The following SNTG2 variants were observed in gnomAD, a reference collection of about 807,000 sequenced individuals.
SNTG2 encodes the protein syntrophin gamma 2, also known as gamma-2-syntrophin.
A neutral mutation model predicts 70.9 loss-of-function variants in SNTG2; 74 were observed. The observed-to-expected ratio is 1.04, with a 90% CI of 0.86 to 1.27. SNTG2 has a LOEUF of 1.27. SNTG2 is among the 50% of genes most tolerant of loss of function. The pLI is 0.00. For synonymous variants in SNTG2, 278 were observed against 273.8 expected (o/e 1.02, Z -0.15); for missense variants, 717 against 690.7 (o/e 1.04, Z -0.43).
chr2:1,173,686 G>A (rs1046376414), intron 8 of SNTG2, among the ~76,000 whole-genome samples: 8 of 152,206 alleles, frequency 5.3e-5, no homozygotes, highest in Admixed American at 3.9e-4. Flanking sequence ...TCCCTCAGAA[G>A]CCTGGGCTCT....
At chr2:991,112 T>G (rs1661476738) in intron 1 of SNTG2, among the ~76,000 whole-genome samples, 1 of 152,164 alleles carries the variant, frequency 6.6e-6, no homozygotes, top group Non-Finnish European at 1.5e-5. Flanking sequence ...GACTTTCTCT[T>G]AATTTGCCTG....
At chr2:1,272,886 G>A (rs979933854) in intron 14 of SNTG2, among the ~76,000 whole-genome samples, 19 of 152,206 alleles carry the variant, frequency 1.2e-4, no homozygotes, top group African/African-American at 4.6e-4. Flanking sequence ...GAGGACAACA[G>A]TGTCTCCTGC....
At chr2:1,170,217 T>C (rs1001163215) in intron 7 of SNTG2, among the ~76,000 whole-genome samples, 2 of 152,224 alleles carry the variant, frequency 1.3e-5, no homozygotes, top group Non-Finnish European at 2.9e-5. Context: ...GTCAGGCTCT[T>C]GGTCTTTTTA....
Position 998,167 on chromosome 2 carries a change from A to C in SNTG2, c.72+47099A>C, listed in dbSNP as rs952835150. Among the ~76,000 whole-genome samples the C allele has an allele frequency of 2.0e-5, 3 of 152,204 alleles. No individual in the cohort carries two copies. The South Asian group carries it at 6.2e-4, about 32-fold the overall frequency. ...AAGGGTGAAAAAATTCATCCAAATG[A>C]AAGTAAATTCAAAAATAACAAGAAG... On this transcript the variant is annotated intron_variant, in intron 1 of 16. Coordinates refer to ENST00000308624, the MANE Select transcript of SNTG2 (RefSeq NM_018968.4).
rs562741638 is a variant in SNTG2, at chr2:1,235,594, A to G, written c.720-2294A>G. 2.5e-4 allele frequency among the ~76,000 whole-genome samples: 30 copies of G among 118,870 alleles called. No individual in the cohort carries two copies. In the South Asian group the frequency reaches 3.0e-3, roughly 12 times the overall value. The allele number at this position is 118,870 out of a possible 152,430, so 78.0% of individuals were successfully genotyped here. ...TCATGAGAGGGGGGACCCCTGCCCC[A>G]CGCTGCCCTGAGGTCCCTGCAGGCC... On this transcript the variant is annotated intron_variant, in intron 9 of 16. Coordinates refer to ENST00000308624, the MANE Select transcript of SNTG2 (RefSeq NM_018968.4).
At chr2:1,178,228 T>G (rs1162401474) in intron 8 of SNTG2, among the ~76,000 whole-genome samples, 1 of 152,222 alleles carries the variant, frequency 6.6e-6, no homozygotes. Context: ...TTTCTAGATA[T>G]ACAATCCTGT....
intron 9 of SNTG2, among the ~76,000 whole-genome samples, chr2:1,220,246 G>A (rs1277330376): frequency 1.3e-5 from 2 of 152,256 alleles, no homozygotes; most frequent in Non-Finnish European, 2.9e-5. Context: ...GGTGGTTCTA[G>A]GAAGGGCCAG....
chr2:1,058,173 G>A (rs1037063333), intron 1 of SNTG2, among the ~76,000 whole-genome samples: 2 of 151,934 alleles, frequency 1.3e-5, no homozygotes, highest in Admixed American at 6.5e-5. Flanking sequence ...TCAAAAATTA[G>A]TATTTTTCTA....
chr2:1,157,157 C>T (rs1410705134), intron 6 of SNTG2, among the ~76,000 whole-genome samples: 1 of 152,216 alleles, frequency 6.6e-6, no homozygotes, highest in Non-Finnish European at 1.5e-5. Context: ...CCTCACCTCA[C>T]CTTCCTTTCC....
chr2:1,201,603 C>G (rs1390514280), intron 8 of SNTG2, among the ~76,000 whole-genome samples: 1 of 151,144 alleles, frequency 6.6e-6, no homozygotes, highest in Non-Finnish European at 1.5e-5. Context: ...TTCAAAATAC[C>G]TAGAAGAAAA....
chr2:1,267,675 A>AGAAGGTGAGAATCTTTCACCGGAGCTACT, intron 14 of SNTG2, 104 bp downstream of exon 14: 2 of 1,043,002 alleles, frequency 1.9e-6, no homozygotes, highest in Non-Finnish European at 2.8e-6. Context: ...AGGAATCTTC[A>AGAAGGTGAGAATCTTTCACCGGAGCTACT]GAAGGTGAGA....
chr2:1,100,617 C>A (rs1248848373), intron 4 of SNTG2, among the ~76,000 whole-genome samples: 1 of 152,178 alleles, frequency 6.6e-6, no homozygotes, highest in Non-Finnish European at 1.5e-5. Context: ...GTGGGTCCAC[C>A]GTTGCTGTGT....
At chr2:1,082,430 T>C (rs189122516) in intron 1 of SNTG2, among the ~76,000 whole-genome samples, 7 of 152,316 alleles carry the variant, frequency 4.6e-5, no homozygotes, top group Admixed American at 3.3e-4. Context: ...TGCAGGGTCC[T>C]ATGTGGCCAC....
At position 1,222,089 on chromosome 2, in the gene SNTG2, C is replaced by CTCTG. The variant is rs1553362227; in HGVS notation, c.719+12862_719+12863insGTCT. 1.8e-3 allele frequency among the ~76,000 whole-genome samples: 29 copies of CTCTG among 16,010 alleles called. 2 individuals carry two copies. The highest frequency in any genetic ancestry group is 3.7e-3 in the Admixed American group (5 of 1,348). 10.5% of individuals were successfully genotyped at this position (16,010 alleles called of 152,430 possible). A position where few individuals can be genotyped will look rare whatever the true frequency, so the allele number is the denominator to read the frequency against. ...TTTCTCTCTGTCTCTGTCTCTGTCT[C>CTCTG]TCTCTGTCTCTCTCTGTCTCTCTCT... On this transcript the variant is annotated intron_variant, in intron 9 of 16. Coordinates refer to ENST00000308624, the MANE Select transcript of SNTG2 (RefSeq NM_018968.4).
At position 1,165,529 on chromosome 2, in the gene SNTG2, ATT is replaced by A; in HGVS notation, c.412-15_412-14del. On this transcript the variant is annotated splice_polypyrimidine_tract_variant and intron_variant, in intron 6 of 16. Coordinates refer to ENST00000308624, the MANE Select transcript of SNTG2 (RefSeq NM_018968.4). ...TTCTTTTGTGGTGGTAAAAGTAGCTATTTTTGTCATATTGACAGGTGCATCTG... is the reference window on the plus strand; with the variant it reads ...TTCTTTTGTGGTGGTAAAAGTAGCTATTTGTCATATTGACAGGTGCATCTG... 1 of 1,607,078 alleles carries A rather than the reference ATT, an allele frequency of 6.2e-7. No individual in the cohort carries two copies. Among genetic ancestry groups the A allele is most frequent in the Non-Finnish European group, 8.5e-7 (1 of 1,175,512 alleles).
chr2:962,843 A>AG (rs1428421654), intron 1 of SNTG2, among the ~76,000 whole-genome samples: 1 of 152,214 alleles, frequency 6.6e-6, no homozygotes, highest in African/African-American at 2.4e-5. Context: ...AAACAAAAAA[A>AG]CAGTTCATTA....
At chr2:951,718 A>T (rs1262865832) in intron 1 of SNTG2, among the ~76,000 whole-genome samples, 1 of 152,240 alleles carries the variant, frequency 6.6e-6, no homozygotes, top group African/African-American at 2.4e-5. Context: ...CCCAAAGAAA[A>T]ACGAAAAGTT....
At chr2:1,154,229 G>A (rs1669707304) in intron 6 of SNTG2, among the ~76,000 whole-genome samples, 1 of 152,026 alleles carries the variant, frequency 6.6e-6, no homozygotes, top group African/African-American at 2.4e-5. Flanking sequence ...CTGACATTAG[G>A]GACCACCAGA....
chr2:1,315,586 G>A (rs977551071), intron 15 of SNTG2, among the ~76,000 whole-genome samples: 9 of 151,964 alleles, frequency 5.9e-5, no homozygotes, highest in African/African-American at 1.9e-4. Flanking sequence ...CATCCATTAC[G>A]TCTTTCTTTG....
Sources: gnomAD v4.1 joint callset for allele counts (sites outside exome capture counted in the v4.1 genomes callset) on GRCh38, gnomAD v4.1.1 for gene constraint, MANE v1.5 for transcripts, NCBI Gene and HGNC (gene_info 2026-07-23, HGNC 2026-07-21) for gene names.